The following SAMSN1 variants were observed in gnomAD, a reference collection of about 807,000 sequenced individuals.
SAMSN1 encodes SAM domain, SH3 domain and nuclear localization signals 1.
SAMSN1 carries 31 observed loss-of-function variants against 42.0 expected under a neutral mutation model. That is an observed-to-expected ratio of 0.74 (90% CI 0.55 to 1.00). SAMSN1 has a LOEUF of 1.00. SAMSN1 is among the 50% of genes least tolerant of loss of function. SAMSN1 has a pLI of 0.00. For synonymous variants in SAMSN1, 178 were observed against 151.9 expected (o/e 1.17, Z -1.26); for missense variants, 464 against 439.4 (o/e 1.06, Z -0.50).
At chr21:14,524,983 T>C (rs189391124) in intron 1 of SAMSN1, among the ~76,000 whole-genome samples, 43 of 152,282 alleles carry the variant, frequency 2.8e-4, no homozygotes, top group Admixed American at 2.7e-3. Context: ...AGGGACAACT[T>C]AGACATTTAA....
chr21:14,573,113 T>G (rs926495588), intron 2 of SAMSN1, among the ~76,000 whole-genome samples: 1 of 152,160 alleles, frequency 6.6e-6, no homozygotes, highest in Non-Finnish European at 1.5e-5. Context: ...TTCAAAGGCA[T>G]GAACCACTCA....
intron 7 of SAMSN1, among the ~76,000 whole-genome samples, chr21:14,588,664 C>T (rs189412268): frequency 2.6e-5 from 4 of 152,336 alleles, no homozygotes; most frequent in Admixed American, 2.6e-4. Flanking sequence ...AGGCCATCTT[C>T]ATCCACCCAA....
intron 7 of SAMSN1, chr21:14,495,705 C>T (rs932112429): frequency 1.3e-4 from 20 of 152,060 alleles, no homozygotes; most frequent in African/African-American, 4.8e-4. Flanking sequence ...TTATATCAAA[C>T]ATCAAAAACC....
rs539540187 is a variant in SAMSN1 at position 14,526,371 on chromosome 21, C to T, written c.58-5150G>A. Among the ~76,000 whole-genome samples the T allele has an allele frequency of 2.0e-5, 3 of 152,284 alleles. No individual in the cohort carries two copies. The East Asian group carries it at 5.8e-4, about 29-fold the overall frequency. ...ATCTGCAATCACATCGTGCAGTTAA[C>T]CTTCTTCCACACAGTCCACTTGGCT... On this transcript the variant is annotated intron_variant, in intron 1 of 7. Transcript: ENST00000400566.
intron 7 of SAMSN1, among the ~76,000 whole-genome samples, chr21:14,591,660 G>A (rs1982089593): frequency 6.6e-6 from 1 of 152,118 alleles, no homozygotes; most frequent in African/African-American, 2.4e-5. Context: ...TGAGAGTAGG[G>A]AGAAGAAATG....
intron 5 of SAMSN1, among the ~76,000 whole-genome samples, chr21:14,509,817 C>T (rs1417346922): frequency 6.6e-6 from 1 of 152,162 alleles, no homozygotes; most frequent in East Asian, 1.9e-4. Flanking sequence ...GACTGATACC[C>T]CGACTCCACC....
At chr21:14,601,798 T>C (rs979927875) in intron 6 of SAMSN1, among the ~76,000 whole-genome samples, 4 of 152,176 alleles carry the variant, frequency 2.6e-5, no homozygotes, top group Non-Finnish European at 4.4e-5. Context: ...CAACATGATG[T>C]TTTGCAAAAT....
intron 7 of SAMSN1, among the ~76,000 whole-genome samples, chr21:14,486,492 T>C (rs1986444706): frequency 6.6e-6 from 1 of 152,172 alleles, no homozygotes; most frequent in South Asian, 2.1e-4. Context: ...AAAGTATCAT[T>C]AGAAAAAGGC....
At chr21:14,511,054 G>A (rs1987669411) in intron 4 of SAMSN1, among the ~76,000 whole-genome samples, 1 of 152,086 alleles carries the variant, frequency 6.6e-6, no homozygotes, top group Non-Finnish European at 1.5e-5. Context: ...ACCTGTCTGG[G>A]AACAAGAATG....
chr21:14,499,704 C>T (rs1314431538), intron 6 of SAMSN1, among the ~76,000 whole-genome samples: 2 of 152,074 alleles, frequency 1.3e-5, no homozygotes, highest in Non-Finnish European at 2.9e-5. Context: ...AGGCAAGATG[C>T]TAACCCGTAC....
At chr21:14,656,744 G>A (rs1983922706) in intron 1 of SAMSN1, among the ~76,000 whole-genome samples, 1 of 151,710 alleles carries the variant, frequency 6.6e-6, no homozygotes, top group Non-Finnish European at 1.5e-5. Flanking sequence ...CTGCCTTTAT[G>A]TTTCTCTTAA....
intron 2 of SAMSN1, among the ~76,000 whole-genome samples, chr21:14,565,595 C>T (rs1027291956): frequency 6.6e-6 from 1 of 152,134 alleles, no homozygotes; most frequent in African/African-American, 2.4e-5. Flanking sequence ...GATCTAAGCA[C>T]CAGCACATAA....
chr21:14,645,606 C>G (rs919356759), intron 1 of SAMSN1, among the ~76,000 whole-genome samples: 2 of 152,152 alleles, frequency 1.3e-5, no homozygotes, highest in Non-Finnish European at 2.9e-5. Flanking sequence ...GCCCACACAC[C>G]GAAGAACATC....
In SAMSN1 at chr21:14,539,952, C is replaced by T. The variant is rs547099673; in HGVS notation, c.57+6253G>A. Among the ~76,000 whole-genome samples, 5 of 152,180 alleles carry T rather than the reference C, an allele frequency of 3.3e-5. No homozygotes were observed. In the South Asian group the frequency reaches 1.0e-3, roughly 32 times the overall value. ...ATTGGTACCAAAACAGAGATATAGA[C>T]CAATGGAACAGAACAGAGCCCTCAG... On this transcript the variant is annotated intron_variant, in intron 1 of 7. Coordinates refer to ENST00000400566, the MANE Select transcript of SAMSN1 (RefSeq NM_022136.5).
chr21:14,555,967 C>A lies in SAMSN1; in HGVS notation c.261+26169G>T, dbSNP rs544025118. ...TTGCCTGCTTAATTCATACTTTATT[C>A]CCCAGAAGCAAAGAGGAAAGTAGAT... On this transcript the variant is annotated intron_variant, in intron 2 of 8. Transcript: ENST00000285670. Among the ~76,000 whole-genome samples the A allele has an allele frequency of 9.2e-5, 14 of 152,188 alleles. No individual in the cohort carries two copies. The East Asian group carries it at 1.9e-3, about 21-fold the overall frequency.
At chr21:14,592,582 T>C (rs764741269) in intron 7 of SAMSN1, 20 of 338,516 alleles carry the variant, frequency 5.9e-5, no homozygotes, top group South Asian at 4.5e-4. Flanking sequence ...TCAAATATCC[T>C]TGGGGACATT....
chr21:14,598,272 T>A (rs1466346452), intron 6 of SAMSN1: 1 of 152,160 alleles, frequency 6.6e-6, no homozygotes, highest in African/African-American at 2.4e-5. Flanking sequence ...AGAATTTAAG[T>A]GAGAAATGAG....
intron 2 of SAMSN1, chr21:14,619,624 G>A (rs1600967802): frequency 6.6e-6 from 2 of 300,902 alleles, no homozygotes; most frequent in South Asian, 6.3e-5. Flanking sequence ...ACTGTTGTAG[G>A]GGAGAAAAGA....
chr21:14,570,662 A>G (rs985955220), intron 2 of SAMSN1, among the ~76,000 whole-genome samples: 2 of 152,174 alleles, frequency 1.3e-5, no homozygotes, highest in African/African-American at 4.8e-5. Flanking sequence ...ACATAATCCT[A>G]TGAGCCTGAG....
Sources: allele counts gnomAD v4.1 joint callset (sites outside exome capture counted in the v4.1 genomes callset), GRCh38; gene constraint gnomAD v4.1.1; transcripts MANE v1.5; gene names NCBI Gene and HGNC (gene_info 2026-07-23, HGNC 2026-07-21).